Variants in PPP1R16A observed in about 807,000 individuals in gnomAD.
The protein encoded by PPP1R16A is protein phosphatase 1 regulatory subunit 16A.
PPP1R16A carries 39 observed loss-of-function variants against 46.6 expected under a neutral mutation model. That is an observed-to-expected ratio of 0.84 (90% CI 0.65 to 1.09). The LOEUF is 1.09. PPP1R16A is among the 50% of genes least tolerant of loss of function. The pLI is 0.00. For missense variants in PPP1R16A, 798 were observed against 735.6 expected, an observed-to-expected ratio of 1.08 and a Z score of -0.98; for synonymous variants, 413 against 321.5, an observed-to-expected ratio of 1.28 and a Z score of -3.04.
intron 1 of PPP1R16A, among the ~76,000 whole-genome samples, chr8:144,483,931 A>G (rs1195640264): frequency 6.6e-6 from 1 of 152,018 alleles, no homozygotes; most frequent in African/African-American, 2.4e-5. Context: ...AGCTCCTACC[A>G]TCTTTCCTTC....
intron 2 of PPP1R16A, among the ~76,000 whole-genome samples, chr8:144,491,900 C>T (rs1382646301): frequency 2.6e-5 from 4 of 152,170 alleles, no homozygotes; most frequent in African/African-American, 9.7e-5. Context: ...CCACTGCACC[C>T]CAGCCTGGGC....
chr8:144,493,709 C>T lies in PPP1R16A; in HGVS notation c.-734-2752C>T, dbSNP rs1825912208. ...GTGGGCACTGGGACACCCCCTGGCA[C>T]CCACTCTTGGGGGGCCCTGGGCTCA... On this transcript the variant is annotated intron_variant, in intron 2 of 11. Transcript: ENST00000435887. This position sits in a 1 kb window ranked among gnomAD's most constrained non-coding sequence, Gnocchi z 4.3. Among the ~76,000 whole-genome samples, 1 of 152,156 alleles carries T rather than the reference C, an allele frequency of 6.6e-6. No individual in the cohort carries two copies. The highest frequency in any genetic ancestry group is 1.5e-5 in the Non-Finnish European group (1 of 67,980).
Position 144,500,869 on chromosome 8 carries a change from C to T in PPP1R16A, c.935C>T (p.Ala312Val), listed in dbSNP as rs773394933. ...LDVCGDEEVRAKLLELKHKHD... is the reference protein window; with the variant it reads ...LDVCGDEEVRVKLLELKHKHD... ...GTGTGCGGGGACGAGGAGGTGCGGGCCAAGCTGCTGGAGCTGAAGCACAAG... is the reference window on the plus strand; with the variant it reads ...GTGTGCGGGGACGAGGAGGTGCGGGTCAAGCTGCTGGAGCTGAAGCACAAG... Residue 312 changes from alanine (A) to valine (V), a missense_variant, in exon 10 of 12, where the codon GCC (alanine) becomes GTC (valine). Transcript: ENST00000435887. 14 of 1,565,902 alleles carry T rather than the reference C, an allele frequency of 8.9e-6. No homozygotes were observed. Among genetic ancestry groups the T allele is most frequent in the Non-Finnish European group, 1.2e-5 (14 of 1,157,460 alleles).
At chr8:144,498,662 A>G in intron 3 of PPP1R16A, 108 bp from the exon 4 acceptor site, 3 of 1,129,360 alleles carry the variant, frequency 2.7e-6, no homozygotes. Context: ...GCCTCCTGCC[A>G]TCGGCACCAC....
chr8:144,479,405 C>A (rs563255604), intron 1 of PPP1R16A, among the ~76,000 whole-genome samples: 1 of 152,156 alleles, frequency 6.6e-6, no homozygotes, highest in Admixed American at 6.5e-5. Flanking sequence ...TCCTGGTGCT[C>A]GAGCTGGATT....
chr8:144,497,136 G>C lies in PPP1R16A; in HGVS notation c.-59G>C. The C allele has an allele frequency of 1.3e-6, 2 of 1,535,824 alleles. No homozygotes were observed. The highest frequency in any genetic ancestry group is 2.0e-5 in the Admixed American group (1 of 50,958). On this transcript the variant is annotated 5_prime_UTR_variant, in exon 3 of 12. Coordinates refer to ENST00000435887, the MANE Select transcript of PPP1R16A (RefSeq NM_001329443.2). ...CTGCCCCACCCCTCAGGCCCAGCCT[G>C]GCCCCCAAGCTCCCCACTCTGGTGC...
At chr8:144,486,347 G>A (rs1825627617) in intron 1 of PPP1R16A, among the ~76,000 whole-genome samples, 2 of 152,132 alleles carry the variant, frequency 1.3e-5, no homozygotes. Context: ...GATTACAGGC[G>A]TGAGCCACCA....
At chr8:144,492,557 G>C (rs368458055) in intron 2 of PPP1R16A, among the ~76,000 whole-genome samples, 2 of 152,008 alleles carry the variant, frequency 1.3e-5, no homozygotes, top group Admixed American at 6.6e-5. Flanking sequence ...GGATGGTCTC[G>C]ATCTCCTGAC....
At chr8:144,494,962 T>G (rs919091609) in intron 2 of PPP1R16A, among the ~76,000 whole-genome samples, 1 of 152,122 alleles carries the variant, frequency 6.6e-6, no homozygotes, top group Non-Finnish European at 1.5e-5. Flanking sequence ...GGGGAGGACT[T>G]GGGAGCCTGG....
chr8:144,481,888 C>G (rs1015287329), intron 1 of PPP1R16A, among the ~76,000 whole-genome samples: 4 of 152,098 alleles, frequency 2.6e-5, no homozygotes, highest in Non-Finnish European at 5.9e-5. Context: ...AGCAATTCTC[C>G]TGCCTCAGCC....
intron 1 of PPP1R16A, among the ~76,000 whole-genome samples, chr8:144,484,367 A>T (rs1202751687): frequency 1.3e-5 from 2 of 152,230 alleles, no homozygotes; most frequent in Non-Finnish European, 2.9e-5. Flanking sequence ...CATTAGAGCT[A>T]TGAGGCTGAA....
At chr8:144,497,974 C>G (rs1414019705) in intron 3 of PPP1R16A, 1 of 451,380 alleles carries the variant, frequency 2.2e-6, no homozygotes, top group Non-Finnish European at 4.5e-6. Context: ...CTCTTCTCCT[C>G]ACCTGTGCCC....
intron 1 of PPP1R16A, chr8:144,479,094 CGT>C (rs1825293579): frequency 6.6e-6 from 1 of 152,266 alleles, no homozygotes; most frequent in South Asian, 2.1e-4. Flanking sequence ...GCTTCCTGGA[CGT>C]ATTGGGGTTT....
intron 1 of PPP1R16A, among the ~76,000 whole-genome samples, chr8:144,480,484 T>C: frequency 6.6e-6 from 1 of 152,090 alleles, no homozygotes; most frequent in East Asian, 1.9e-4. Context: ...CAGTTAATTT[T>C]TATATCTTTT....
At chr8:144,484,817 C>T (rs1042155855) in intron 1 of PPP1R16A, among the ~76,000 whole-genome samples, 42 of 152,318 alleles carry the variant, frequency 2.8e-4, no homozygotes, top group South Asian at 6.2e-4. Flanking sequence ...GTCCAAATCA[C>T]GGGGTCTTCC....
chr8:144,491,974 T>C (rs1259432748), intron 2 of PPP1R16A, among the ~76,000 whole-genome samples: 1 of 152,192 alleles, frequency 6.6e-6, no homozygotes, highest in Non-Finnish European at 1.5e-5. Context: ...CAACCAAGTC[T>C]TTTAGTTATA....
chr8:144,500,443 A>T (rs1490439732), intron 7 of PPP1R16A, 44 bp from the exon 8 acceptor site: 1 of 1,538,538 alleles, frequency 6.5e-7, no homozygotes, highest in South Asian at 1.2e-5. Flanking sequence ...CGCTACTTGG[A>T]GGTGGGGGAT....
chr8:144,493,147 G>A lies in PPP1R16A; in HGVS notation c.-735+2935G>A, dbSNP rs1825886528. 6.6e-6 allele frequency among the ~76,000 whole-genome samples: 1 copy of A among 152,244 alleles called. No individual in the cohort carries two copies. Among genetic ancestry groups the A allele is most frequent in the Middle Eastern group, 3.4e-3 (1 of 294 alleles). ...AATCCACATGGCCCAGCGGTATGTAGGCAGTGAGGGGACGGTGGGTGGGGG... is the reference window on the plus strand; with the variant it reads ...AATCCACATGGCCCAGCGGTATGTAAGCAGTGAGGGGACGGTGGGTGGGGG... On this transcript the variant is annotated intron_variant, in intron 2 of 11. Transcript: ENST00000435887. This position sits in a 1 kb window ranked among gnomAD's most constrained non-coding sequence, Gnocchi z 4.3.
At chr8:144,495,264 G>A (rs572324822) in intron 2 of PPP1R16A, among the ~76,000 whole-genome samples, 3 of 152,234 alleles carry the variant, frequency 2.0e-5, no homozygotes, top group South Asian at 4.1e-4. Flanking sequence ...AATTTGACCT[G>A]GCCCAGGACA....
Sources: gnomAD v4.1 joint callset for allele counts (sites outside exome capture counted in the v4.1 genomes callset) on GRCh38, gnomAD v4.1.1 for gene constraint, Gnocchi (gnomAD v3.1) non-coding constraint, MANE v1.5 for transcripts, NCBI Gene and HGNC (gene_info 2026-07-23, HGNC 2026-07-21) for gene names.